The following SLC25A48 variants were observed in gnomAD, a reference collection of about 807,000 sequenced individuals.
SLC25A48 encodes CTC-321K16.1.
Under a neutral mutation model 32.2 loss-of-function variants are expected in SLC25A48, and 29 were observed. The ratio of observed to expected loss-of-function variants is 0.90; its 90% CI spans 0.67 to 1.23. The LOEUF (loss-of-function observed/expected upper bound fraction) is 1.23. Ranked by LOEUF, SLC25A48 falls within the 50% of genes most tolerant of loss-of-function variation. The pLI is 0.00. For missense variants in SLC25A48, 399 were observed against 422.7 expected (o/e 0.94, Z 0.49); for synonymous variants, 164 against 172.3 (o/e 0.95, Z 0.38).
At chr5:135,717,883 T>C (rs987452548) in intron 3 of SLC25A48, among the ~76,000 whole-genome samples, 4 of 152,198 alleles carry the variant, frequency 2.6e-5, no homozygotes, top group African/African-American at 9.7e-5. Context: ...GAAATGAATA[T>C]GAACAGGTAA....
At chr5:135,822,877 C>T (rs1218723751) in intron 4 of SLC25A48, among the ~76,000 whole-genome samples, 1 of 151,992 alleles carries the variant, frequency 6.6e-6, no homozygotes, top group Non-Finnish European at 1.5e-5. Flanking sequence ...CTAAGGATTA[C>T]CTGAGAGAGA....
chr5:135,838,539 C>A (rs1758725572), intron 1 of SLC25A48, among the ~76,000 whole-genome samples: 1 of 152,212 alleles, frequency 6.6e-6, no homozygotes, highest in African/African-American at 2.4e-5. Flanking sequence ...CAGCCCCTCC[C>A]ATCACAGACT....
intron 3 of SLC25A48, among the ~76,000 whole-genome samples, chr5:135,751,033 A>G (rs1373561147): frequency 2.0e-5 from 3 of 152,176 alleles, no homozygotes; most frequent in African/African-American, 4.8e-5. Context: ...GACACATGAG[A>G]AGAATCCAGC....
intron 3 of SLC25A48, among the ~76,000 whole-genome samples, chr5:135,810,465 C>G (rs1415047777): frequency 2.0e-5 from 3 of 152,202 alleles, no homozygotes; most frequent in African/African-American, 7.2e-5. Flanking sequence ...TTTATGCCAC[C>G]AGTTGAGGCT....
At chr5:135,873,942 T>C (rs941958756) in intron 5 of SLC25A48, 79 bp from the exon 6 acceptor site, 7 of 1,397,514 alleles carry the variant, frequency 5.0e-6, no homozygotes, top group Non-Finnish European at 6.5e-6. Flanking sequence ...AATCTCTAAA[T>C]GGTAGAAATC....
chr5:135,843,133 C>T (rs113004098), intron 2 of SLC25A48, among the ~76,000 whole-genome samples: 20 of 152,336 alleles, frequency 1.3e-4, no homozygotes, highest in African/African-American at 4.6e-4. Flanking sequence ...ATCAGCCTAC[C>T]TGTTTTAAAT....
In SLC25A48 at chr5:135,580,227, A is replaced by G. The variant is rs945922411; in HGVS notation, c.-849+630A>G. ...TGACTAGGCCAGGAGGGTCCTCAGTATATACGGCTGCAGAACTGGGACTCC... is the reference window on the plus strand; with the variant it reads ...TGACTAGGCCAGGAGGGTCCTCAGTGTATACGGCTGCAGAACTGGGACTCC... On this transcript the variant is annotated intron_variant, in intron 1 of 10. Transcript: ENST00000646290. 6.6e-5 allele frequency among the ~76,000 whole-genome samples: 10 copies of G among 152,342 alleles called. 1 individual carries two copies. In the South Asian group the frequency reaches 2.1e-3, roughly 32 times the overall value.
At chr5:135,739,461 G>C (rs186980817) in intron 3 of SLC25A48, among the ~76,000 whole-genome samples, 1 of 152,114 alleles carries the variant, frequency 6.6e-6, no homozygotes, top group Non-Finnish European at 1.5e-5. Context: ...CCTGTGATTC[G>C]TCAGGGGTGT....
intron 4 of SLC25A48, among the ~76,000 whole-genome samples, chr5:135,818,769 T>G (rs967880371): frequency 2.6e-5 from 4 of 152,204 alleles, no homozygotes; most frequent in African/African-American, 9.6e-5. Flanking sequence ...GTGGGCCATG[T>G]GTTGGAATTA....
At chr5:135,609,767 CTTA>C (rs1309248857) in intron 1 of SLC25A48, 2 of 152,172 alleles carry the variant, frequency 1.3e-5, no homozygotes, top group African/African-American at 4.8e-5. Flanking sequence ...AGCTGCATAA[CTTA>C]TTATCATCTA....
chr5:135,585,074 C>A (rs912399240), intron 1 of SLC25A48, among the ~76,000 whole-genome samples: 2 of 152,218 alleles, frequency 1.3e-5, no homozygotes, highest in Non-Finnish European at 2.9e-5. Flanking sequence ...GTGCAGGTGG[C>A]ACTGCAGAGA....
intron 3 of SLC25A48, among the ~76,000 whole-genome samples, chr5:135,771,550 G>A (rs562510488): frequency 1.3e-5 from 2 of 151,504 alleles, no homozygotes; most frequent in Non-Finnish European, 1.5e-5. Context: ...TTCGTGGGGG[G>A]TGTACACCCT....
chr5:135,731,546 T>A (rs1755222652), intron 3 of SLC25A48, among the ~76,000 whole-genome samples: 1 of 152,164 alleles, frequency 6.6e-6, no homozygotes. Flanking sequence ...GTGGGAGAGA[T>A]TAAGCTGAAG....
intron 3 of SLC25A48, 100 bp from the exon 4 acceptor site, chr5:135,852,463 C>A: frequency 2.1e-6 from 3 of 1,410,102 alleles, no homozygotes; most frequent in Non-Finnish European, 1.9e-6. Flanking sequence ...TCTTCATGGA[C>A]ACATGGGCAG....
At chr5:135,645,065 C>A (rs1752928429) in intron 3 of SLC25A48, among the ~76,000 whole-genome samples, 2 of 152,226 alleles carry the variant, frequency 1.3e-5, no homozygotes, top group Admixed American at 1.3e-4. Context: ...GCTTCCTCTG[C>A]ACTGCTCAGG....
intron 3 of SLC25A48, among the ~76,000 whole-genome samples, chr5:135,749,516 G>C (rs981713874): frequency 1.3e-5 from 2 of 152,146 alleles, no homozygotes; most frequent in African/African-American, 4.8e-5. Flanking sequence ...TCTGCATCTT[G>C]ATGGTCTCAG....
At chr5:135,678,010 A>G (rs1753809985) in intron 3 of SLC25A48, among the ~76,000 whole-genome samples, 1 of 152,090 alleles carries the variant, frequency 6.6e-6, no homozygotes, top group South Asian at 2.1e-4. Flanking sequence ...ACCTTTTTGC[A>G]TTGTATCTAT....
intron 1 of SLC25A48, among the ~76,000 whole-genome samples, chr5:135,840,483 A>G (rs1460944700): frequency 6.6e-6 from 1 of 152,266 alleles, no homozygotes; most frequent in Non-Finnish European, 1.5e-5. Context: ...TACATTCACA[A>G]CACTGTGCAA....
intron 3 of SLC25A48, among the ~76,000 whole-genome samples, chr5:135,792,984 ATAT>A (rs1757070283): frequency 6.6e-6 from 1 of 151,506 alleles, no homozygotes; most frequent in Non-Finnish European, 1.5e-5. Flanking sequence ...ACACCCTGGG[ATAT>A]TATGCATAAT....
Sources: gnomAD v4.1 joint callset for allele counts (sites outside exome capture counted in the v4.1 genomes callset) on GRCh38, gnomAD v4.1.1 for gene constraint, MANE v1.5 for transcripts, NCBI Gene and HGNC (gene_info 2026-07-23, HGNC 2026-07-21) for gene names.